Variants in CADPS2 observed in about 807,000 individuals in gnomAD.
The protein encoded by CADPS2 is calcium dependent secretion activator 2, also known as calcium-dependent secretion activator 2.
In CADPS2, 93 loss-of-function variants were observed where a neutral mutation model predicts 172.5. The ratio of observed to expected loss-of-function variants is 0.54; its 90% CI spans 0.46 to 0.64. The LOEUF is 0.64. Ranked by LOEUF, CADPS2 falls within the 30% of genes least tolerant of loss-of-function variation. The probability of loss-of-function intolerance (pLI) is 0.00; values close to 1 mark genes in which losing one functional copy is unlikely to be tolerated. For missense variants in CADPS2, 1,420 were observed against 1,565.9 expected (o/e 0.91, Z 1.57); for synonymous variants, 546 against 555.2 (o/e 0.98, Z 0.23).
chr7:122,834,279 C>G (rs1030970826), intron 1 of CADPS2, among the ~76,000 whole-genome samples: 43 of 152,162 alleles, frequency 2.8e-4, no homozygotes, highest in African/African-American at 1.0e-3. Flanking sequence ...TTGAAGAAAT[C>G]TGAAATGCTA....
At chr7:122,645,208 A>G (rs2078173178) in intron 3 of CADPS2, among the ~76,000 whole-genome samples, 1 of 134,076 alleles carries the variant, frequency 7.5e-6, no homozygotes, top group Admixed American at 8.1e-5. Context: ...ATATGTATAT[A>G]CATAAGTATA....
intron 2 of CADPS2, chr7:122,699,248 G>A: frequency 4.8e-6 from 1 of 207,982 alleles, no homozygotes; most frequent in Non-Finnish European, 9.7e-6. Context: ...CTTAAATGCT[G>A]TTATGGGTGA....
intron 6 of CADPS2, among the ~76,000 whole-genome samples, chr7:122,611,839 G>A (rs35345335): frequency 0.15 from 23,217 of 151,818 alleles, 1,988 homozygotes; most frequent in African/African-American, 0.23. Flanking sequence ...CAAATCCAGT[G>A]ACAAATTTTA....
chr7:122,491,480 C>T (rs1321992979), intron 9 of CADPS2, 60 bp from the exon 10 acceptor site: 11 of 837,384 alleles, frequency 1.3e-5, no homozygotes, highest in African/African-American at 3.5e-5. Context: ...ATTTAACTTT[C>T]GTTTTTTTAT....
intron 1 of CADPS2, among the ~76,000 whole-genome samples, chr7:122,765,397 A>G (rs1490536617): frequency 6.6e-6 from 1 of 152,152 alleles, no homozygotes; most frequent in Non-Finnish European, 1.5e-5. Flanking sequence ...CATCCAGAAC[A>G]GTGCCCAGAA....
intron 8 of CADPS2, among the ~76,000 whole-genome samples, chr7:122,514,282 A>G (rs1315828482): frequency 6.6e-6 from 1 of 152,182 alleles, no homozygotes. Flanking sequence ...TGAAGGATTA[A>G]CAGTGCAGAG....
At chr7:122,525,007 C>G (rs1413716594) in intron 8 of CADPS2, among the ~76,000 whole-genome samples, 2 of 151,860 alleles carry the variant, frequency 1.3e-5, no homozygotes, top group South Asian at 2.1e-4. Flanking sequence ...AAAAATTAGC[C>G]ATGTGTCTGT....
chr7:122,871,154 G>A (rs950672981), intron 1 of CADPS2, among the ~76,000 whole-genome samples: 2 of 151,590 alleles, frequency 1.3e-5, no homozygotes, highest in East Asian at 1.9e-4. Flanking sequence ...AGGGGACAAC[G>A]GAGGAGGGGA....
intron 7 of CADPS2, among the ~76,000 whole-genome samples, chr7:122,556,685 T>C (rs962746516): frequency 6.6e-6 from 1 of 152,110 alleles, no homozygotes; most frequent in African/African-American, 2.4e-5. Flanking sequence ...TTTTGATGGG[T>C]ATTTCTAACT....
Position 122,388,687 on chromosome 7 carries a change from T to G in CADPS2, c.3060A>C (p.Gln1020His). Reference sequence around the variant, plus strand: ...GCCAGTGCAGATCAAAGACAAACATTTGCAGTGCATCAAGCTTCCAAAAAA... The same window carrying G: ...GCCAGTGCAGATCAAAGACAAACATGTGCAGTGCATCAAGCTTCCAAAAAA... ...EDLFWKLDAL[Q>H]MFVFDLHWPE... is the part of the protein sequence containing the mutation. Residue 1020 changes from glutamine to histidine, a missense_variant, in exon 23 of 30, where the codon CAA becomes CAC. Coordinates refer to ENST00000449022, the MANE Select transcript of CADPS2 (RefSeq NM_017954.11). 6.2e-7 allele frequency: 1 copy of G among 1,610,358 alleles called. No homozygotes were observed. The highest frequency in any genetic ancestry group is 1.1e-5 in the South Asian group (1 of 90,566).
intron 1 of CADPS2, among the ~76,000 whole-genome samples, chr7:122,796,782 C>A (rs1472273371): frequency 6.6e-6 from 1 of 151,488 alleles, no homozygotes; most frequent in Non-Finnish European, 1.5e-5. Flanking sequence ...ACAATCTAGG[C>A]AATACCATTC....
At chr7:122,639,083 T>C (rs992336408) in intron 3 of CADPS2, among the ~76,000 whole-genome samples, 2 of 152,176 alleles carry the variant, frequency 1.3e-5, no homozygotes, top group East Asian at 1.9e-4. Context: ...TGGAAAAGCA[T>C]ACTTCCAAGC....
At chr7:122,706,093 T>TACATATATATGCTTATATATTCAAGGA (rs2087381505) in intron 2 of CADPS2, among the ~76,000 whole-genome samples, 1 of 37,438 alleles carries the variant, frequency 2.7e-5, no homozygotes, top group East Asian at 8.2e-4. Flanking sequence ...ATTCAAGGAA[T>TACATATATATGCTTATATATTCAAGGA]ATATATATAT....
intron 4 of CADPS2, among the ~76,000 whole-genome samples, chr7:122,625,414 TA>T (rs34581484): frequency 1.3e-5 from 2 of 152,210 alleles, no homozygotes; most frequent in African/African-American, 4.8e-5. Flanking sequence ...AACATGAATT[TA>T]AATGTTGCTA....
At position 122,555,117 on chromosome 7, in the gene CADPS2, T is replaced by C. The variant is rs116461121; in HGVS notation, c.1336-428A>G. Among the ~76,000 whole-genome samples the C allele has an allele frequency of 6.4e-3, 979 of 152,254 alleles. 7 individuals carry two copies. Among genetic ancestry groups the C allele is most frequent in the African/African-American group, 0.022 (905 of 41,562 alleles). On this transcript the variant is annotated intron_variant, in intron 7 of 29. Transcript: ENST00000449022. ...TTTGAAACAGCACAAATATGCCTCA[T>C]GTTTTAATATTATCATTGTAAAATA...
intron 2 of CADPS2, among the ~76,000 whole-genome samples, chr7:122,675,936 C>T (rs2082337483): frequency 6.6e-6 from 1 of 152,030 alleles, no homozygotes; most frequent in Non-Finnish European, 1.5e-5. Flanking sequence ...CATGCACGCC[C>T]ATGCAACAAA....
chr7:122,773,401 G>A (rs975992618), intron 1 of CADPS2, among the ~76,000 whole-genome samples: 2 of 151,958 alleles, frequency 1.3e-5, no homozygotes, highest in African/African-American at 2.4e-5. Flanking sequence ...ATTAATTACA[G>A]CACTAAATTA....
At chr7:122,712,148 A>G (rs192956110) in intron 2 of CADPS2, among the ~76,000 whole-genome samples, 1 of 152,200 alleles carries the variant, frequency 6.6e-6, no homozygotes, top group African/African-American at 2.4e-5. Context: ...GTTGAAAACA[A>G]TGTTACTTTT....
chr7:122,452,917 C>T (rs551926721), intron 14 of CADPS2, among the ~76,000 whole-genome samples: 46 of 152,162 alleles, frequency 3.0e-4, no homozygotes, highest in Non-Finnish European at 5.0e-4. Flanking sequence ...ATGTTTGATG[C>T]TTGTTAACTA....
Sources: allele counts gnomAD v4.1 joint callset (sites outside exome capture counted in the v4.1 genomes callset), GRCh38; gene constraint gnomAD v4.1.1; transcripts MANE v1.5; gene names NCBI Gene and HGNC (gene_info 2026-07-23, HGNC 2026-07-21).